PGAP3: variants seen among roughly 807,000 people sequenced by gnomAD.
PGAP3 encodes the protein post-GPI attachment to proteins phospholipase 3.
In PGAP3, 31 loss-of-function variants were observed where a neutral mutation model predicts 40.3. The observed-to-expected ratio is 0.77, with a 90% CI of 0.58 to 1.04. The LOEUF (loss-of-function observed/expected upper bound fraction) is 1.04. Ranked by LOEUF, PGAP3 falls within the 50% of genes least tolerant of loss-of-function variation. The pLI is 0.00. For missense variants in PGAP3, 413 were observed against 423.0 expected (o/e 0.98, Z 0.21); for synonymous variants, 191 against 184.5 (o/e 1.04, Z -0.29).
At chr17:39,682,261 A>AAAAC (rs2057451583) in intron 3 of PGAP3, among the ~76,000 whole-genome samples, 1 of 142,722 alleles carries the variant, frequency 7.0e-6, no homozygotes, top group African/African-American at 2.5e-5. Context: ...AAAAAAAAAA[A>AAAAC]TCTGATGTTA....
Position 39,673,550 on chromosome 17 carries a change from C to G in PGAP3, c.658G>C (p.Asp220His). Residue 220 changes from aspartate to histidine, a missense_variant, in exon 6 of 8, where the codon GAC becomes CAC. Transcript: ENST00000300658. ...HVSYLSLIRF[D>H]YGYNLVANVA... ...TTGGCCACCAGGTTGTAGCCATAGT[C>G]GAAGCGGATGAGGCTCAGGTAGGAG... 1 of 1,614,128 alleles carries G rather than the reference C, an allele frequency of 6.2e-7. No homozygotes were observed. The highest frequency in any genetic ancestry group is 8.5e-7 in the Non-Finnish European group (1 of 1,180,002).
rs776593046 is a variant in PGAP3 at position 39,673,578 on chromosome 17, G to A, written c.630C>T (p.His210=). The change falls in exon 6 of 8, where the codon CAC becomes CAT. Residue 210 remains histidine, a synonymous_variant. Transcript: ENST00000300658. ...AGCGGATGAGGCTCAGGTAGGAGAC[G>A]TGCACGGTCAGCATGAGCAGCAGGA... is the stretch of plus-strand genomic sequence containing the variant. The part of the protein sequence containing the change: ...RALLLLMLTV[H]VSYLSLIRFD... 40 of 1,613,986 alleles carry A rather than the reference G, an allele frequency of 2.5e-5. No individual in the cohort carries two copies. Among genetic ancestry groups the A allele is most frequent in the South Asian group, 1.1e-5 (1 of 91,086 alleles).
chr17:39,686,555 A>ATTT (rs35277523), intron 1 of PGAP3, among the ~76,000 whole-genome samples: 73 of 98,460 alleles, frequency 7.4e-4, no homozygotes, highest in Non-Finnish European at 9.0e-4. Context: ...CGCACCCGGC[A>ATTT]TTTTTTTTTT....
rs112105873 is a variant in PGAP3 at position 39,685,905 on chromosome 17, C to T, written c.279+17G>A. 27 of 1,607,724 alleles carry T rather than the reference C, an allele frequency of 1.7e-5. No individual in the cohort carries two copies. In the African/African-American group the frequency reaches 1.7e-4, roughly 10 times the overall value. On this transcript the variant is annotated intron_variant, in intron 2 of 7. Coordinates refer to ENST00000300658, the MANE Select transcript of PGAP3 (RefSeq NM_033419.5). ...ACCACGCTACTACCATATGCCTACC[C>T]TGACCCTCCAACTCACCTTGCCATG...
rs976278728 is a variant in PGAP3, at chr17:39,672,698, G to T, written c.*105C>A. 4 of 1,197,982 alleles carry T rather than the reference G, an allele frequency of 3.3e-6. No individual in the cohort carries two copies. In the African/African-American group the frequency reaches 4.5e-5, roughly 13 times the overall value. 74.2% of individuals were successfully genotyped at this position (1,197,982 alleles called of 1,614,324 possible). ...CTGGGCCCACATCCTTCATGTCCAAGTTCAAGAAGTTGAAAAGAGAAAATC... is the reference window on the plus strand; with the variant it reads ...CTGGGCCCACATCCTTCATGTCCAATTTCAAGAAGTTGAAAAGAGAAAATC... On this transcript the variant is annotated 3_prime_UTR_variant, in exon 8 of 8. Coordinates refer to ENST00000300658, the MANE Select transcript of PGAP3 (RefSeq NM_033419.5).
intron 1 of PGAP3, 35 bp from the exon 2 acceptor site, chr17:39,686,054 A>G: frequency 1.3e-6 from 2 of 1,575,412 alleles, no homozygotes; most frequent in Non-Finnish European, 1.7e-6. Flanking sequence ...TGAACTCCCC[A>G]GCACAGAGAG....
chr17:39,674,911 C>T (rs1455591907), intron 3 of PGAP3, among the ~76,000 whole-genome samples: 2 of 152,200 alleles, frequency 1.3e-5, no homozygotes, highest in African/African-American at 4.8e-5. Context: ...CGGGGGGCTG[C>T]AGCCTCCACA....
At chr17:39,681,755 G>A (rs969830453) in intron 3 of PGAP3, among the ~76,000 whole-genome samples, 7 of 151,908 alleles carry the variant, frequency 4.6e-5, no homozygotes, top group Non-Finnish European at 1.0e-4. Flanking sequence ...TGATCCACCC[G>A]CCTTGGCCTC....
chr17:39,676,003 T>C (rs1430643481), intron 3 of PGAP3, among the ~76,000 whole-genome samples: 2 of 152,092 alleles, frequency 1.3e-5, no homozygotes, highest in Non-Finnish European at 2.9e-5. Flanking sequence ...TTAGGTGGTG[T>C]GGTCTAGGGC....
chr17:39,673,930 T>C, intron 5 of PGAP3, 63 bp downstream of exon 5: 1 of 1,553,670 alleles, frequency 6.4e-7, no homozygotes, highest in Admixed American at 1.7e-5. Flanking sequence ...AGGGGAAGGC[T>C]GGGTGACCCC....
intron 3 of PGAP3, 65 bp downstream of exon 3, chr17:39,684,532 T>A: frequency 6.7e-7 from 1 of 1,501,302 alleles, no homozygotes. Flanking sequence ...TGGGTGTTAA[T>A]AGGGATGTAG....
At chr17:39,675,902 C>T (rs1454278420) in intron 3 of PGAP3, among the ~76,000 whole-genome samples, 7 of 152,346 alleles carry the variant, frequency 4.6e-5, no homozygotes, top group South Asian at 4.1e-4. Context: ...CTCCTCTTGA[C>T]CTGGTCAAAG....
At chr17:39,683,953 C>T (rs555559998) in intron 3 of PGAP3, among the ~76,000 whole-genome samples, 43 of 151,978 alleles carry the variant, frequency 2.8e-4, no homozygotes, top group African/African-American at 9.7e-4. Context: ...GGAGAAACCC[C>T]GTCTCTACTA....
intron 3 of PGAP3, among the ~76,000 whole-genome samples, chr17:39,680,236 T>G (rs978875744): frequency 4.6e-5 from 7 of 152,214 alleles, no homozygotes; most frequent in Non-Finnish European, 8.8e-5. Context: ...ACACCAACCC[T>G]GTCTTTATTC....
In PGAP3 at chr17:39,687,710, T is replaced by C; in HGVS notation, c.181+124A>G. On this transcript the variant is annotated intron_variant, in intron 1 of 7. Coordinates refer to ENST00000300658, the MANE Select transcript of PGAP3 (RefSeq NM_033419.5). ...GTAAGGCTCTCATCACCTTAGGGGC[T>C]TCACTCACATTCATAAGAGACCTCG... 4.3e-6 allele frequency: 3 copies of C among 691,800 alleles called. No homozygotes were observed. The highest frequency in any genetic ancestry group is 6.8e-5 in the East Asian group (2 of 29,306). 42.9% of individuals were successfully genotyped at this position (691,800 alleles called of 1,614,324 possible). A position where few individuals can be genotyped will look rare whatever the true frequency, so the allele number is the denominator to read the frequency against.
intron 3 of PGAP3, among the ~76,000 whole-genome samples, chr17:39,679,224 C>T (rs1305647308): frequency 2.6e-5 from 4 of 152,260 alleles, no homozygotes; most frequent in East Asian, 3.9e-4. Flanking sequence ...GGATTACAGA[C>T]GTGAGCCACC....
intron 3 of PGAP3, among the ~76,000 whole-genome samples, chr17:39,683,923 G>A (rs572647759): frequency 2.0e-5 from 3 of 151,904 alleles, no homozygotes; most frequent in Admixed American, 6.6e-5. Context: ...TTGGGAGTTC[G>A]AGACCAGCCT....
At chr17:39,687,369 G>A (rs1222464027) in intron 1 of PGAP3, among the ~76,000 whole-genome samples, 5 of 152,168 alleles carry the variant, frequency 3.3e-5, no homozygotes, top group Non-Finnish European at 4.4e-5. Flanking sequence ...GGTCCAAATC[G>A]AATGTACCAG....
chr17:39,684,124 C>CAAAAAA (rs58205601), intron 3 of PGAP3, among the ~76,000 whole-genome samples: 6 of 64,368 alleles, frequency 9.3e-5, no homozygotes, highest in African/African-American at 2.6e-4. Flanking sequence ...GACTCTGTCT[C>CAAAAAA]AAAAAAAAAA....
Sources: allele counts gnomAD v4.1 joint callset (sites outside exome capture counted in the v4.1 genomes callset), GRCh38; gene constraint gnomAD v4.1.1; transcripts MANE v1.5; gene names NCBI Gene and HGNC (gene_info 2026-07-23, HGNC 2026-07-21).